Variants in PLEKHG1 observed in about 807,000 individuals in gnomAD.
The protein encoded by PLEKHG1 is pleckstrin homology domain-containing family G member 1.
PLEKHG1 carries 44 observed loss-of-function variants against 100.8 expected under a neutral mutation model. That is an observed-to-expected ratio of 0.44 (90% CI 0.34 to 0.56). The LOEUF is 0.56. Ranked by LOEUF, PLEKHG1 falls within the 20% of genes least tolerant of loss-of-function variation. The pLI, the probability that PLEKHG1 is intolerant of heterozygous loss-of-function variation, is 0.01. For missense variants in PLEKHG1, 1,545 were observed against 1,720.9 expected (o/e 0.90, Z 1.81); for synonymous variants, 640 against 662.5 (o/e 0.97, Z 0.52).
At chr6:150,714,896 C>T (rs1332959433) in intron 3 of PLEKHG1, among the ~76,000 whole-genome samples, 1 of 152,072 alleles carries the variant, frequency 6.6e-6, no homozygotes, top group Middle Eastern at 3.4e-3. Flanking sequence ...GCAACCTCCA[C>T]CTCCCAGGTT....
chr6:150,785,164 GA>G (rs1785547146), intron 3 of PLEKHG1, among the ~76,000 whole-genome samples: 1 of 152,142 alleles, frequency 6.6e-6, no homozygotes, highest in African/African-American at 2.4e-5. Context: ...AGCATGGTTA[GA>G]AGCATGGACC....
chr6:150,825,917 G>A (rs984917671), intron 14 of PLEKHG1, among the ~76,000 whole-genome samples: 2 of 152,106 alleles, frequency 1.3e-5, no homozygotes, highest in African/African-American at 2.4e-5. Flanking sequence ...GGTGGCTCAC[G>A]CCTGTAATCC....
At chr6:150,652,931 C>G (rs1440972969) in intron 3 of PLEKHG1, among the ~76,000 whole-genome samples, 2 of 152,116 alleles carry the variant, frequency 1.3e-5, no homozygotes, top group East Asian at 3.9e-4. Context: ...AAAGTTATTA[C>G]AAAGACAAAC....
chr6:150,741,950 G>C (rs1332079725), intron 2 of PLEKHG1, among the ~76,000 whole-genome samples: 1 of 152,226 alleles, frequency 6.6e-6, no homozygotes, highest in Non-Finnish European at 1.5e-5. Context: ...GTCCCCACTT[G>C]TGACGACCAA....
chr6:150,669,593 CTTTT>C (rs1214928577), intron 3 of PLEKHG1, among the ~76,000 whole-genome samples: 2 of 127,598 alleles, frequency 1.6e-5, no homozygotes, highest in Admixed American at 8.0e-5. Flanking sequence ...AAGAATTATT[CTTTT>C]TTTTTTTTTT....
At chr6:150,647,189 C>T (rs529654132) in intron 2 of PLEKHG1, among the ~76,000 whole-genome samples, 305 of 152,238 alleles carry the variant, frequency 2.0e-3, no homozygotes, top group African/African-American at 6.5e-3. Flanking sequence ...TTGTTTAAGC[C>T]ATGCCTAACT....
intron 3 of PLEKHG1, among the ~76,000 whole-genome samples, chr6:150,677,224 A>G (rs1779786862): frequency 6.6e-6 from 1 of 152,078 alleles, no homozygotes; most frequent in Non-Finnish European, 1.5e-5. Context: ...TGGATACATA[A>G]GACCCTATGT....
intron 3 of PLEKHG1, among the ~76,000 whole-genome samples, chr6:150,679,642 G>T (rs1279389090): frequency 6.6e-6 from 1 of 152,326 alleles, no homozygotes; most frequent in African/African-American, 2.4e-5. Context: ...CAGTCATTCA[G>T]CAAGCATTCG....
intron 3 of PLEKHG1, among the ~76,000 whole-genome samples, chr6:150,672,299 G>A (rs548942726): frequency 6.6e-6 from 1 of 152,262 alleles, no homozygotes; most frequent in Admixed American, 6.5e-5. Flanking sequence ...CTGATTCCAC[G>A]GGTGTTCATA....
At chr6:150,778,413 C>G in intron 3 of PLEKHG1, among the ~76,000 whole-genome samples, 1 of 152,120 alleles carries the variant, frequency 6.6e-6, no homozygotes, top group East Asian at 1.9e-4. Flanking sequence ...TAGGCATGAG[C>G]CACTGTACCC....
intron 1 of PLEKHG1, among the ~76,000 whole-genome samples, chr6:150,606,819 CAG>C (rs998061392): frequency 2.6e-5 from 4 of 152,108 alleles, no homozygotes; most frequent in Non-Finnish European, 5.9e-5. Flanking sequence ...CAGCAGCACT[CAG>C]GGGCATGCTG....
rs147602424 is a variant in PLEKHG1 at position 150,839,839 on chromosome 6, G to A, written c.3101G>A (p.Arg1034Lys). The change falls in exon 16 of 16, where the codon AGG becomes AAG. Residue 1034 changes from arginine (R) to lysine (K), a missense_variant. Coordinates refer to ENST00000358517, the Ensembl canonical transcript of PLEKHG1. Reference sequence around the variant, plus strand: ...TTCAATATTTGCCTTCCAGGTGCCAGGATTGCTGAGTATTCCCAGTTGTAT... The same window carrying A: ...TTCAATATTTGCCTTCCAGGTGCCAAGATTGCTGAGTATTCCCAGTTGTAT... The A allele has an allele frequency of 1.4e-5, 22 of 1,599,426 alleles. No homozygotes were observed. The highest frequency in any genetic ancestry group is 1.8e-5 in the Non-Finnish European group (21 of 1,167,764).
intron 3 of PLEKHG1, among the ~76,000 whole-genome samples, chr6:150,713,775 G>A (rs991924965): frequency 6.6e-5 from 10 of 152,176 alleles, no homozygotes; most frequent in African/African-American, 2.4e-4. Context: ...AGTTGGCAAG[G>A]TGGAGCTGAG....
intron 1 of PLEKHG1, among the ~76,000 whole-genome samples, chr6:150,623,074 C>A (rs114244009): frequency 5.3e-5 from 8 of 150,858 alleles, no homozygotes; most frequent in African/African-American, 2.0e-4. Flanking sequence ...GAGGCCACTT[C>A]TGCTTCTGTT....
At chr6:150,612,403 G>A (rs937320039) in intron 1 of PLEKHG1, among the ~76,000 whole-genome samples, 1 of 152,112 alleles carries the variant, frequency 6.6e-6, no homozygotes, top group Non-Finnish European at 1.5e-5. Flanking sequence ...CATGATCTCG[G>A]TTCCTTGTAA....
chr6:150,661,391 A>C (rs1382432929), intron 3 of PLEKHG1, among the ~76,000 whole-genome samples: 3 of 152,268 alleles, frequency 2.0e-5, no homozygotes, highest in Non-Finnish European at 4.4e-5. Context: ...CAGATGTTAT[A>C]TGCAGGCAAT....
intron 3 of PLEKHG1, among the ~76,000 whole-genome samples, chr6:150,715,400 G>A (rs1781386765): frequency 1.3e-5 from 2 of 152,126 alleles, no homozygotes; most frequent in South Asian, 4.1e-4. Context: ...AGGAAGGTCA[G>A]CGTGTTCTTC....
Position 150,821,717 on chromosome 6 carries a change from A to G in PLEKHG1, c.1447+484A>G, listed in dbSNP as rs549431652. The stretch of plus-strand genomic sequence containing the variant: ...ATAATAATAAAATTTAAAATAAAAT[A>G]TACAGTCAAATGACATAAAATACTT... On this transcript the variant is annotated intron_variant, in intron 13 of 15. Coordinates refer to ENST00000358517, the Ensembl canonical transcript of PLEKHG1. Among the ~76,000 whole-genome samples the G allele has an allele frequency of 9.2e-5, 14 of 152,216 alleles. No individual in the cohort carries two copies. In the East Asian group the frequency reaches 2.7e-3, roughly 29 times the overall value.
At chr6:150,694,994 A>G (rs1780490332) in intron 3 of PLEKHG1, among the ~76,000 whole-genome samples, 2 of 152,204 alleles carry the variant, frequency 1.3e-5, no homozygotes, top group African/African-American at 2.4e-5. Context: ...TTATTCCTAC[A>G]TTGACATTTT....
Sources: gnomAD v4.1 joint callset for allele counts (sites outside exome capture counted in the v4.1 genomes callset) on GRCh38, gnomAD v4.1.1 for gene constraint, MANE v1.5 for transcripts, NCBI Gene and HGNC (gene_info 2026-07-23, HGNC 2026-07-21) for gene names.